Variants in NRXN1 observed in about 807,000 individuals in gnomAD.
The protein encoded by NRXN1 is neurexin 1.
In NRXN1, 39 loss-of-function variants were observed where a neutral mutation model predicts 150.9. That is an observed-to-expected ratio of 0.26 (90% CI 0.20 to 0.34). The LOEUF (loss-of-function observed/expected upper bound fraction) is 0.34, where lower values mean the gene tolerates loss of function less well. Ranked by LOEUF, NRXN1 falls within the 10% of genes least tolerant of loss-of-function variation. The probability of loss-of-function intolerance (pLI) is 1.00; values close to 1 mark genes in which losing one functional copy is unlikely to be tolerated. For missense variants in NRXN1, 1,815 were observed against 1,949.9 expected (o/e 0.93, Z 1.30); for synonymous variants, 924 against 757.0 (o/e 1.22, Z -3.62).
At chr2:50,375,483 A>C (rs1029384747) in intron 17 of NRXN1, among the ~76,000 whole-genome samples, 15 of 46,940 alleles carry the variant, frequency 3.2e-4, no homozygotes, top group African/African-American at 2.2e-3. Flanking sequence ...TTTGAAAGCT[A>C]GTCTGTTTAA....
chr2:50,683,494 C>T (rs972026776), intron 5 of NRXN1, among the ~76,000 whole-genome samples: 10 of 148,316 alleles, frequency 6.7e-5, no homozygotes, highest in African/African-American at 2.5e-4. Context: ...TAGCCGGGCA[C>T]AGTGGCGGGC....
At chr2:50,237,073 A>C in intron 17 of NRXN1, 103 bp from the exon 18 acceptor site, 1 of 1,105,978 alleles carries the variant, frequency 9.0e-7, no homozygotes, top group African/African-American at 1.5e-5. Flanking sequence ...CTCTACACAC[A>C]AAACTATGGC....
At chr2:50,961,521 A>G (rs980090240) in intron 2 of NRXN1, among the ~76,000 whole-genome samples, 1 of 151,926 alleles carries the variant, frequency 6.6e-6, no homozygotes, top group Admixed American at 6.6e-5. Context: ...AAAAAACCCA[A>G]CCAGATGCTA....
intron 9 of NRXN1, among the ~76,000 whole-genome samples, chr2:50,544,079 A>G (rs1369527732): frequency 6.6e-6 from 1 of 152,122 alleles, no homozygotes; most frequent in Non-Finnish European, 1.5e-5. Context: ...TACTGCTTAA[A>G]TGAATTGTTT....
chr2:50,964,313 A>G (rs1196193326), intron 2 of NRXN1, among the ~76,000 whole-genome samples: 4 of 151,458 alleles, frequency 2.6e-5, no homozygotes, highest in Non-Finnish European at 5.9e-5. Context: ...ATGAATTCCT[A>G]TGTGTCAGGT....
chr2:50,041,766 A>C (rs1287101509), intron 21 of NRXN1, among the ~76,000 whole-genome samples: 1 of 152,200 alleles, frequency 6.6e-6, no homozygotes, highest in African/African-American at 2.4e-5. Context: ...AAGTCTAAAC[A>C]ATGTCAGTGA....
At chr2:51,012,344 T>C (rs1668011563) in intron 2 of NRXN1, among the ~76,000 whole-genome samples, 1 of 152,068 alleles carries the variant, frequency 6.6e-6, no homozygotes, top group African/African-American at 2.4e-5. Flanking sequence ...ATTAAGAGTG[T>C]GAAGCAATCC....
chr2:50,875,036 C>T (rs933239079), intron 5 of NRXN1, among the ~76,000 whole-genome samples: 3 of 151,752 alleles, frequency 2.0e-5, no homozygotes, highest in African/African-American at 4.8e-5. Context: ...ATATTTTATA[C>T]TAGAGCATTC....
chr2:49,987,830 A>AT (rs557427659), intron 21 of NRXN1, among the ~76,000 whole-genome samples: 2 of 151,638 alleles, frequency 1.3e-5, no homozygotes, highest in Non-Finnish European at 2.9e-5. Flanking sequence ...ATTATTATAC[A>AT]TTTTTTTCCT....
intron 17 of NRXN1, among the ~76,000 whole-genome samples, chr2:50,443,812 TTC>T (rs2086172969): frequency 1.3e-5 from 2 of 152,206 alleles, no homozygotes; most frequent in African/African-American, 4.8e-5. Flanking sequence ...ATGTAAAACC[TTC>T]CAGACTTTCA....
chr2:50,464,147 G>C (rs2088557978), intron 17 of NRXN1: 2 of 151,650 alleles, frequency 1.3e-5, no homozygotes, highest in African/African-American at 4.8e-5. Context: ...AGTGTGATTT[G>C]GCTTGCAGAG....
At chr2:50,998,673 T>A in intron 2 of NRXN1, among the ~76,000 whole-genome samples, 1 of 152,052 alleles carries the variant, frequency 6.6e-6, no homozygotes, top group South Asian at 2.1e-4. Flanking sequence ...ATGTTAGGAT[T>A]AGAATATAAA....
At chr2:49,970,032 T>C (rs1020730952) in intron 21 of NRXN1, 2 of 152,112 alleles carry the variant, frequency 1.3e-5, no homozygotes, top group African/African-American at 4.8e-5. Context: ...AACTGACTTA[T>C]TTTGGCTCCC....
chr2:50,107,844 G>T (rs889993096), intron 18 of NRXN1, among the ~76,000 whole-genome samples: 6 of 151,816 alleles, frequency 4.0e-5, no homozygotes, highest in Non-Finnish European at 7.4e-5. Flanking sequence ...CCTCTGAACA[G>T]TATTTGGCTC....
chr2:50,006,404 G>A (rs558217671), intron 21 of NRXN1, among the ~76,000 whole-genome samples: 3 of 152,042 alleles, frequency 2.0e-5, no homozygotes, highest in Non-Finnish European at 2.9e-5. Flanking sequence ...AACATCAATT[G>A]CTCTCTAATG....
At chr2:50,783,313 G>T (rs911869431) in intron 5 of NRXN1, among the ~76,000 whole-genome samples, 1 of 152,094 alleles carries the variant, frequency 6.6e-6, no homozygotes, top group Admixed American at 6.6e-5. Context: ...ACCTTCTGGT[G>T]CTCAGCCAGC....
chr2:50,940,303 C>T (rs6752095), intron 2 of NRXN1, among the ~76,000 whole-genome samples: 39,147 of 151,638 alleles, frequency 0.26, 5,601 homozygotes, highest in Non-Finnish European at 0.33. Flanking sequence ...GGTGAAACCC[C>T]ATCTCTACCA....
At chr2:50,864,413 T>C (rs879906931) in intron 5 of NRXN1, among the ~76,000 whole-genome samples, 5 of 152,040 alleles carry the variant, frequency 3.3e-5, no homozygotes, top group South Asian at 2.1e-4. Flanking sequence ...GAGTGACTTA[T>C]AAATAATAGG....
In NRXN1 at chr2:51,028,941, GCTGCAGCCA is replaced by G. The variant is rs1309463524; in HGVS notation, c.-677_-669del. 4 of 152,196 alleles carry G rather than the reference GCTGCAGCCA, an allele frequency of 2.6e-5. No homozygotes were observed. Among genetic ancestry groups the G allele is most frequent in the African/African-American group, 9.7e-5 (4 of 41,442 alleles). 9.4% of individuals were successfully genotyped at this position (152,196 alleles called of 1,614,324 possible). ...CTGTCATAGCATGGGCTTCAGCACC[GCTGCAGCCA>G]AAGCCTAATTCCTTGTGCGTGGTCT... On this transcript the variant is annotated 5_prime_UTR_variant, in exon 2 of 23. Transcript: ENST00000401669.
Sources: gnomAD v4.1 joint callset for allele counts (sites outside exome capture counted in the v4.1 genomes callset) on GRCh38, gnomAD v4.1.1 for gene constraint, MANE v1.5 for transcripts, NCBI Gene and HGNC (gene_info 2026-07-23, HGNC 2026-07-21) for gene names.